The following APBA1 variants were observed in gnomAD, a reference collection of about 807,000 sequenced individuals.
APBA1 encodes amyloid-beta A4 precursor protein-binding family A member 1.
APBA1 carries 55 observed loss-of-function variants against 86.6 expected under a neutral mutation model. The ratio of observed to expected loss-of-function variants is 0.64; its 90% confidence interval spans 0.51 to 0.80. The LOEUF is 0.80. Ranked by LOEUF, APBA1 falls within the 30% of genes least tolerant of loss-of-function variation. The pLI is 0.00. For missense variants in APBA1, 1,090 were observed against 1,183.0 expected (o/e 0.92, Z 1.15); for synonymous variants, 511 against 493.9 (o/e 1.03, Z -0.46).
intron 2 of APBA1, among the ~76,000 whole-genome samples, chr9:69,481,888 T>G (rs947246454): frequency 6.6e-6 from 1 of 151,960 alleles, no homozygotes; most frequent in African/African-American, 2.4e-5. Flanking sequence ...CCCTATTTAA[T>G]AAATAGTGCT....
chr9:69,654,578 G>A (rs556001083), intron 1 of APBA1, among the ~76,000 whole-genome samples: 55 of 152,226 alleles, frequency 3.6e-4, no homozygotes, highest in Middle Eastern at 3.4e-3. Context: ...CCCCATCAAG[G>A]AAAAGCCCAG....
intron 1 of APBA1, among the ~76,000 whole-genome samples, chr9:69,636,930 A>AAGGAAG (rs1564099014): frequency 3.2e-5 from 1 of 31,480 alleles, no homozygotes; most frequent in Non-Finnish European, 7.7e-5. Context: ...AAGGAAAGAA[A>AAGGAAG]GAAAGAAAGA....
chr9:69,620,766 C>A (rs557015265), intron 1 of APBA1, among the ~76,000 whole-genome samples: 1 of 152,328 alleles, frequency 6.6e-6, no homozygotes, highest in Admixed American at 6.5e-5. Context: ...AAAGTGGCTG[C>A]AGGGTCCTTT....
chr9:69,567,876 T>A (rs1434427009), intron 1 of APBA1, among the ~76,000 whole-genome samples: 1 of 151,966 alleles, frequency 6.6e-6, no homozygotes. Flanking sequence ...CCCAGGGGTG[T>A]AGGAGAGTGC....
chr9:69,544,633 A>C (rs942970999), intron 1 of APBA1, among the ~76,000 whole-genome samples: 1 of 152,208 alleles, frequency 6.6e-6, no homozygotes, highest in African/African-American at 2.4e-5. Context: ...TCCTCCCACA[A>C]AAGAATAGCC....
intron 1 of APBA1, among the ~76,000 whole-genome samples, chr9:69,669,207 A>C (rs1007408721): frequency 6.6e-6 from 1 of 152,186 alleles, no homozygotes; most frequent in African/African-American, 2.4e-5. Context: ...TTACGGCTTG[A>C]AATTCTCTCA....
chr9:69,659,561 T>C (rs1380367570), intron 1 of APBA1, among the ~76,000 whole-genome samples: 2 of 152,150 alleles, frequency 1.3e-5, no homozygotes, highest in Non-Finnish European at 2.9e-5. Context: ...AAAGGTAATT[T>C]TGAAAACAGT....
intron 1 of APBA1, among the ~76,000 whole-genome samples, chr9:69,580,752 G>A (rs1171983397): frequency 1.3e-5 from 2 of 152,146 alleles, no homozygotes; most frequent in African/African-American, 2.4e-5. Context: ...CATACTGATT[G>A]AGCCTACAGA....
chr9:69,444,985 G>A (rs1834884368), intron 10 of APBA1, among the ~76,000 whole-genome samples: 1 of 152,208 alleles, frequency 6.6e-6, no homozygotes, highest in Non-Finnish European at 1.5e-5. Flanking sequence ...GAAGAGAGAT[G>A]AATGATGAAG....
chr9:69,543,187 T>C (rs1011191412), intron 1 of APBA1, among the ~76,000 whole-genome samples: 7 of 152,146 alleles, frequency 4.6e-5, no homozygotes, highest in African/African-American at 1.2e-4. Flanking sequence ...TGGCCCCTAA[T>C]TGGAGGGAGC....
intron 1 of APBA1, among the ~76,000 whole-genome samples, chr9:69,584,263 T>C (rs570291766): frequency 2.0e-5 from 3 of 152,316 alleles, no homozygotes; most frequent in East Asian, 3.9e-4. Context: ...TACTGTCTCC[T>C]CTATAAGACT....
Position 69,671,293 on chromosome 9 carries a change from G to T in APBA1, c.-70+860C>A, listed in dbSNP as rs56341932. Among the ~76,000 whole-genome samples the T allele has an allele frequency of 8.1e-3, 1,234 of 152,274 alleles. 10 individuals are homozygous for T. Among genetic ancestry groups the T allele is most frequent in the Non-Finnish European group, 0.014 (957 of 68,028 alleles). On this transcript the variant is annotated intron_variant, in intron 1 of 12. Transcript: ENST00000265381. Reference sequence around the variant, plus strand: ...CCTTATGGAACAGGTGCTAAGGAGAGAAGTAGTATCACAGGATGGAAGGCC... The same window carrying T: ...CCTTATGGAACAGGTGCTAAGGAGATAAGTAGTATCACAGGATGGAAGGCC...
intron 1 of APBA1, among the ~76,000 whole-genome samples, chr9:69,636,882 G>A (rs1204810178): frequency 1.0e-5 from 1 of 99,504 alleles, no homozygotes; most frequent in Non-Finnish European, 2.1e-5. Context: ...AAAGAAAGAA[G>A]GAAGGAAAGA....
chr9:69,493,845 T>TA (rs1172326971), intron 2 of APBA1, among the ~76,000 whole-genome samples: 1 of 152,154 alleles, frequency 6.6e-6, no homozygotes, highest in Non-Finnish European at 1.5e-5. Context: ...GCTTTGCACT[T>TA]ACGCTTACTG....
At chr9:69,562,421 C>G (rs1473602380) in intron 1 of APBA1, among the ~76,000 whole-genome samples, 1 of 151,550 alleles carries the variant, frequency 6.6e-6, no homozygotes, top group African/African-American at 2.4e-5. Flanking sequence ...GTCGCCCAGG[C>G]TGGAGTGCAG....
At position 69,516,995 on chromosome 9, in the gene APBA1, C is replaced by T; in HGVS notation, c.216G>A (p.Gly72=). ...TGCTGGCTGAGCGCGCCAGGCATTCCCCGCGCTCCTCTTCCTCCTGGCCGA... is the reference window on the plus strand; with the variant it reads ...TGCTGGCTGAGCGCGCCAGGCATTCTCCGCGCTCCTCTTCCTCCTGGCCGA... The part of the protein sequence containing the change: ...AQLGQEEEER[G]ECLARSASTE... The change falls in exon 2 of 13, where the codon GGG becomes GGA. Residue 72 remains glycine (G), a synonymous_variant. Coordinates refer to ENST00000265381, the MANE Select transcript of APBA1 (RefSeq NM_001163.4). The surrounding 1 kb of genome is among the most constrained non-coding windows in gnomAD (Gnocchi z 7.3). 1 of 1,582,196 alleles carries T rather than the reference C, an allele frequency of 6.3e-7. No homozygotes were observed.
Position 69,517,232 on chromosome 9 carries a change from G to C in APBA1, c.-22C>G, listed in dbSNP as rs775216760. ...TCATGGTGGGAGTCGGAACGGCTAGGAGAGAAGCTGGGCCCGGCTCACTGC... is the reference window on the plus strand; with the variant it reads ...TCATGGTGGGAGTCGGAACGGCTAGCAGAGAAGCTGGGCCCGGCTCACTGC... On this transcript the variant is annotated 5_prime_UTR_variant, in exon 2 of 13. Coordinates refer to ENST00000265381, the MANE Select transcript of APBA1 (RefSeq NM_001163.4). 8 of 1,445,340 alleles carry C rather than the reference G, an allele frequency of 5.5e-6. No homozygotes were observed. The East Asian group carries it at 1.6e-4, about 28-fold the overall frequency. 89.5% of individuals were successfully genotyped at this position (1,445,340 alleles called of 1,614,324 possible). A position where few individuals can be genotyped will look rare whatever the true frequency, so the allele number is the denominator to read the frequency against.
chr9:69,523,133 G>C (rs1219392173), intron 1 of APBA1, among the ~76,000 whole-genome samples: 2 of 152,118 alleles, frequency 1.3e-5, no homozygotes, highest in Admixed American at 1.3e-4. Flanking sequence ...TCATGATTCA[G>C]CAGTTGAATC....
At chr9:69,636,959 G>T (rs557088780) in intron 1 of APBA1, among the ~76,000 whole-genome samples, 1 of 151,006 alleles carries the variant, frequency 6.6e-6, no homozygotes, top group Non-Finnish European at 1.5e-5. Context: ...AAGAAAGAAA[G>T]AAAGAAAGAA....
Sources: allele counts gnomAD v4.1 joint callset (sites outside exome capture counted in the v4.1 genomes callset), GRCh38; gene constraint gnomAD v4.1.1; non-coding constraint Gnocchi (gnomAD v3.1); transcripts MANE v1.5; gene names NCBI Gene and HGNC (gene_info 2026-07-23, HGNC 2026-07-21).